The following ANKRD42 variants were observed in gnomAD, a reference collection of about 807,000 sequenced individuals.
ANKRD42 encodes ankyrin repeat domain 42.
A neutral mutation model predicts 51.5 loss-of-function variants in ANKRD42; 43 were observed. The observed-to-expected ratio is 0.83, with a 90% CI of 0.65 to 1.08. The LOEUF (loss-of-function observed/expected upper bound fraction) is 1.08. Ranked by LOEUF, ANKRD42 falls within the 50% of genes least tolerant of loss-of-function variation. The pLI, the probability that ANKRD42 is intolerant of heterozygous loss-of-function variation, is 0.00. For missense variants in ANKRD42, 608 were observed against 629.3 expected (o/e 0.97, Z 0.36); for synonymous variants, 203 against 213.0 (o/e 0.95, Z 0.41).
intron 2 of ANKRD42, among the ~76,000 whole-genome samples, chr11:83,203,539 A>G (rs1457952050): frequency 6.6e-6 from 1 of 151,182 alleles, no homozygotes; most frequent in Non-Finnish European, 1.5e-5. Flanking sequence ...GACTACAGGC[A>G]TGTGCCACCA....
At chr11:83,233,251 G>T (rs1863134334) in intron 7 of ANKRD42, among the ~76,000 whole-genome samples, 1 of 147,386 alleles carries the variant, frequency 6.8e-6, no homozygotes. Context: ...TTTTTATTAT[G>T]GCTTTGATAT....
At chr11:83,262,205 C>G (rs914122948), downstream of ANKRD42, among the ~76,000 whole-genome samples, 7 of 152,036 alleles carry the variant, frequency 4.6e-5, no homozygotes, top group Non-Finnish European at 8.8e-5. Flanking sequence ...ATTTAGAAAC[C>G]TATAACCTGT....
chr11:83,260,939 A>G (rs1177823093), downstream of ANKRD42: 1 of 152,222 alleles, frequency 6.6e-6, no homozygotes, highest in Non-Finnish European at 1.5e-5. Context: ...TATGTAATAA[A>G]TTTAAGATGG....
intron 6 of ANKRD42, 28 bp from the exon 7 acceptor site, chr11:83,227,719 T>G: frequency 6.3e-7 from 1 of 1,592,726 alleles, no homozygotes; most frequent in South Asian, 1.1e-5. Context: ...CTTATGTTTA[T>G]TGAAATGCTG....
chr11:83,213,277 C>T, intron 5 of ANKRD42: 1 of 1,595,610 alleles, frequency 6.3e-7, no homozygotes, highest in Non-Finnish European at 8.5e-7. Context: ...TGCTGATGTG[C>T]AACAGATCTT....
chr11:83,239,181 T>A (rs574640144), intron 8 of ANKRD42, among the ~76,000 whole-genome samples: 2 of 152,314 alleles, frequency 1.3e-5, no homozygotes, highest in African/African-American at 4.8e-5. Context: ...ATTTTGAGCA[T>A]CTTTTAAATA....
chr11:83,255,435 G>A (rs143877158), intron 11 of ANKRD42, among the ~76,000 whole-genome samples: 21 of 152,266 alleles, frequency 1.4e-4, no homozygotes, highest in African/African-American at 4.1e-4. Context: ...GGAATGATTC[G>A]CAGCACTATG....
chr11:83,231,997 T>C (rs1176939017), intron 7 of ANKRD42, among the ~76,000 whole-genome samples: 2 of 152,198 alleles, frequency 1.3e-5, no homozygotes, highest in East Asian at 3.8e-4. Context: ...TATAGCCCTA[T>C]AGTATAATTT....
intron 5 of ANKRD42, among the ~76,000 whole-genome samples, chr11:83,217,635 A>C (rs1222459472): frequency 1.3e-5 from 2 of 152,068 alleles, no homozygotes; most frequent in East Asian, 3.9e-4. Flanking sequence ...TGCCCTGGCC[A>C]CCCTCAGGCC....
chr11:83,212,763 A>G, intron 5 of ANKRD42: 2 of 1,532,154 alleles, frequency 1.3e-6, no homozygotes, highest in Non-Finnish European at 1.7e-6. Flanking sequence ...TCTTTACACT[A>G]CTGTCCAGGA....
chr11:83,254,427 TTTC>T (rs1467159347), intron 11 of ANKRD42, among the ~76,000 whole-genome samples: 12 of 126,958 alleles, frequency 9.5e-5, no homozygotes, highest in African/African-American at 4.1e-4. Context: ...GTTTTTCTTT[TTTC>T]TTTTCTTTTT....
At chr11:83,210,547 C>G in intron 4 of ANKRD42, 128 bp downstream of exon 4, 1 of 1,171,004 alleles carries the variant, frequency 8.5e-7, no homozygotes, top group Non-Finnish European at 1.2e-6. Flanking sequence ...TTTAATTTTT[C>G]TCTCTAGCTT....
intron 5 of ANKRD42, among the ~76,000 whole-genome samples, chr11:83,223,499 A>G (rs1862778616): frequency 6.6e-6 from 1 of 152,200 alleles, no homozygotes; most frequent in Non-Finnish European, 1.5e-5. Context: ...AAGGGGAGTC[A>G]AGGATGGCTC....
In ANKRD42 at chr11:83,225,051, G is replaced by C; in HGVS notation, c.783G>C (p.Gln261His). ...AEYEGKDLED[Q>H]ETLAFPGHVA... ...ATGAAGGAAAAGACCTAGAGGATCA[G>C]GAAAGTAAGTAATTAAGTTATATGT... Residue 261 changes from glutamine (Q) to histidine (H), a missense_variant, in exon 6 of 11, where the codon CAG becomes CAC. By Grantham distance (24) the Gln-to-His change is conservative. Transcript: ENST00000533342. The C allele has an allele frequency of 6.2e-7, 1 of 1,610,048 alleles. No homozygotes were observed.
In ANKRD42 at chr11:83,210,284, A is replaced by G. The variant is rs768837590; in HGVS notation, c.331-16A>G. Reference sequence around the variant, plus strand: ...TCTATACTCATGTAAAGTCTTTCCTATTTCTCTATTTTTAGGCTCTTATAA... The same window carrying G: ...TCTATACTCATGTAAAGTCTTTCCTGTTTCTCTATTTTTAGGCTCTTATAA... On this transcript the variant is annotated splice_polypyrimidine_tract_variant and intron_variant, in intron 3 of 10. Coordinates refer to ENST00000533342, the MANE Select transcript of ANKRD42 (RefSeq NM_001300975.2). 8 of 1,611,450 alleles carry G rather than the reference A, an allele frequency of 5.0e-6. No homozygotes were observed. The Admixed American group carries it at 8.3e-5, about 17-fold the overall frequency.
downstream of ANKRD42, among the ~76,000 whole-genome samples, chr11:83,263,794 C>T (rs1008627012): frequency 5.3e-5 from 8 of 152,100 alleles, no homozygotes; most frequent in Non-Finnish European, 1.0e-4. Context: ...GAAATTGAGG[C>T]ACACAGTCAC....
At chr11:83,220,239 G>A (rs1290445190) in intron 5 of ANKRD42, among the ~76,000 whole-genome samples, 1 of 152,224 alleles carries the variant, frequency 6.6e-6, no homozygotes, top group East Asian at 1.9e-4. Context: ...AACCCCGAAG[G>A]GTCGGGGGTT....
intron 5 of ANKRD42, chr11:83,214,593 T>C: frequency 1.0e-6 from 1 of 971,614 alleles, no homozygotes; most frequent in Non-Finnish European, 1.2e-6. Context: ...AATTATTTTT[T>C]ATTGATAAAT....
chr11:83,225,090 GTGATGA>G (rs542322248), intron 6 of ANKRD42, 35 bp downstream of exon 6: 3 of 1,528,056 alleles, frequency 2.0e-6, no homozygotes, highest in East Asian at 2.3e-5. Context: ...AGCATATAAT[GTGATGA>G]TGATGATGAT....
Sources: allele counts gnomAD v4.1 joint callset (sites outside exome capture counted in the v4.1 genomes callset), GRCh38; gene constraint gnomAD v4.1.1; transcripts MANE v1.5; gene names NCBI Gene and HGNC (gene_info 2026-07-23, HGNC 2026-07-21).